NCEH1: variants seen among roughly 807,000 people sequenced by gnomAD.
NCEH1 encodes the protein 2-acetyl MAGE hydrolase.
In NCEH1, 9 loss-of-function variants were observed where a neutral mutation model predicts 25.4. The ratio of observed to expected loss-of-function variants is 0.35; its 90% CI spans 0.21 to 0.62. The LOEUF (loss-of-function observed/expected upper bound fraction) is 0.62, where lower values mean the gene tolerates loss of function less well. NCEH1 is among the 20% of genes least tolerant of loss of function. NCEH1 has a pLI of 0.72. For missense variants in NCEH1, 412 were observed against 501.1 expected (o/e 0.82, Z 1.70); for synonymous variants, 200 against 199.8 (o/e 1.00, Z -0.01).
chr3:172,689,243 T>C (rs1712880518), intron 1 of NCEH1, among the ~76,000 whole-genome samples: 1 of 146,106 alleles, frequency 6.8e-6, no homozygotes, highest in Non-Finnish European at 1.5e-5. Context: ...TGAAATGACT[T>C]GGAGTAACTT....
At chr3:172,647,176 G>A (rs891230903) in intron 2 of NCEH1, among the ~76,000 whole-genome samples, 1 of 152,138 alleles carries the variant, frequency 6.6e-6, no homozygotes, top group African/African-American at 2.4e-5. Flanking sequence ...AAACTAAGGG[G>A]ATGCCAAAAG....
chr3:172,644,183 G>GCTTTTGAGTGACTCTAGGGCTTTTGA (rs1717000744), intron 3 of NCEH1, among the ~76,000 whole-genome samples: 5 of 89,514 alleles, frequency 5.6e-5, no homozygotes, highest in Admixed American at 1.3e-4. Flanking sequence ...AGGGCTTTGG[G>GCTTTTGAGTGACTCTAGGGCTTTTGA]GTGACTCTAG....
At chr3:172,679,494 T>G (rs1379027132) in intron 1 of NCEH1, among the ~76,000 whole-genome samples, 1 of 152,172 alleles carries the variant, frequency 6.6e-6, no homozygotes, top group African/African-American at 2.4e-5. Flanking sequence ...CCATTCTGTA[T>G]GTACCGCACA....
chr3:172,671,374 T>G (rs1303459505), intron 1 of NCEH1, among the ~76,000 whole-genome samples: 1 of 152,182 alleles, frequency 6.6e-6, no homozygotes, highest in African/African-American at 2.4e-5. Context: ...CTTTGAGTTC[T>G]TCACTTTGAT....
intron 2 of NCEH1, among the ~76,000 whole-genome samples, chr3:172,646,308 T>C (rs1162089976): frequency 1.3e-5 from 2 of 152,226 alleles, no homozygotes; most frequent in Non-Finnish European, 2.9e-5. Flanking sequence ...TGAGCTGTGA[T>C]AGAGCCACTG....
chr3:172,644,145 A>ACTCTAGGGCTTTGGG (rs1560181457), intron 3 of NCEH1, among the ~76,000 whole-genome samples: 7 of 83,668 alleles, frequency 8.4e-5, no homozygotes, highest in Non-Finnish European at 1.0e-4. Context: ...AGGGCTTTTG[A>ACTCTAGGGCTTTGGG]GTGACTCTAG....
rs1422497691 is a variant in NCEH1, at chr3:172,633,443, A to G, written c.*32T>C. The stretch of plus-strand genomic sequence containing the variant: ...TCCAAAGCAGGTGTAGGAGGTCAAG[A>G]GGGGCTCGAGGCTTCTGGAAGTTTT... On this transcript the variant is annotated 3_prime_UTR_variant, in exon 5 of 5. Transcript: ENST00000475381. 5 of 1,590,904 alleles carry G rather than the reference A, an allele frequency of 3.1e-6. No individual in the cohort carries two copies. Among genetic ancestry groups the G allele is most frequent in the Admixed American group, 3.4e-5 (2 of 58,322 alleles).
At position 172,631,123 on chromosome 3, in the gene NCEH1, T is replaced by C. The variant is rs997430370; in HGVS notation, c.*2352A>G. ...TATCAGAAACAGTGGTTGACCTCTT[T>C]TTTCCTTTACTCCCTTTTCATCTGA... On this transcript the variant is annotated 3_prime_UTR_variant, in exon 5 of 5. Coordinates refer to ENST00000475381, the MANE Select transcript of NCEH1 (RefSeq NM_020792.6). 2.7e-4 allele frequency: 41 copies of C among 152,360 alleles called. No homozygotes were observed. The highest frequency in any genetic ancestry group is 2.2e-3 in the Admixed American group (34 of 15,310). 9.4% of individuals were successfully genotyped at this position (152,360 alleles called of 1,614,324 possible).
intron 3 of NCEH1, among the ~76,000 whole-genome samples, chr3:172,638,406 C>T: frequency 6.9e-6 from 1 of 144,414 alleles, no homozygotes. Context: ...CTTTTTTTTT[C>T]CAGTTGATTT....
intron 1 of NCEH1, among the ~76,000 whole-genome samples, chr3:172,663,754 G>A (rs545974927): frequency 4.6e-5 from 7 of 152,100 alleles, no homozygotes; most frequent in South Asian, 2.1e-4. Flanking sequence ...TTGGTTTAAA[G>A]TCTCTTTTAT....
intron 1 of NCEH1, among the ~76,000 whole-genome samples, chr3:172,701,486 A>AT (rs78599065): frequency 0.14 from 16,154 of 118,318 alleles, 1,384 homozygotes; most frequent in African/African-American, 0.29. Flanking sequence ...GTCTCCCTCT[A>AT]TTGCCCAGGC....
chr3:172,685,289 C>G (rs564601205), intron 1 of NCEH1, among the ~76,000 whole-genome samples: 1 of 152,242 alleles, frequency 6.6e-6, no homozygotes, highest in Admixed American at 6.5e-5. Context: ...TCTATCTCAA[C>G]AACAACAAAA....
intron 3 of NCEH1, among the ~76,000 whole-genome samples, chr3:172,639,073 C>T (rs1054933027): frequency 2.6e-5 from 4 of 152,130 alleles, no homozygotes; most frequent in African/African-American, 4.8e-5. Context: ...GGCCAAGGTG[C>T]GCGGATCACG....
At chr3:172,682,211 C>T (rs137906180) in intron 1 of NCEH1, among the ~76,000 whole-genome samples, 5 of 152,246 alleles carry the variant, frequency 3.3e-5, no homozygotes, top group African/African-American at 1.2e-4. Context: ...AAACAACATG[C>T]TTGTGGAGGC....
Position 172,647,965 on chromosome 3 carries a change from T to C in NCEH1, c.288A>G (p.Glu96=). 6.2e-7 allele frequency: 1 copy of C among 1,614,174 alleles called. No individual in the cohort carries two copies. Among genetic ancestry groups the C allele is most frequent in the Admixed American group, 1.7e-5 (1 of 60,020 alleles). Residue 96 remains glutamate, a synonymous_variant, in exon 2 of 5, where the codon GAA becomes GAG. Coordinates refer to ENST00000475381, the MANE Select transcript of NCEH1 (RefSeq NM_020792.6). ...GTGGCTCTTCGGGCTTCGGAGGGCC[T>C]TCAAACACTCTGACTTCCACACCAT... ...DFDGVEVRVF[E]GPPKPEEPLK...
At chr3:172,643,032 G>A (rs769625278) in intron 3 of NCEH1, among the ~76,000 whole-genome samples, 5 of 152,082 alleles carry the variant, frequency 3.3e-5, no homozygotes, top group Admixed American at 6.6e-5. Context: ...TCCGCCTCCC[G>A]GGTTCAAGTG....
chr3:172,675,929 G>C (rs1462727850), intron 1 of NCEH1, among the ~76,000 whole-genome samples: 1 of 152,076 alleles, frequency 6.6e-6, no homozygotes, highest in Non-Finnish European at 1.5e-5. Context: ...CTTGTAAAAC[G>C]TATCTCTTTT....
Position 172,633,643 on chromosome 3 carries a change from A to G in NCEH1, c.1059T>C (p.Asp353=), listed in dbSNP as rs747812255. ...CCAAACGCTTGGCATACATGATGCC[A>G]TCGTCTCTGAGGACATCATGCTCAC... ...LTCEHDVLRD[D]GIMYAKRLES... is the part of the protein sequence containing the mutation. Residue 353 remains aspartate, a synonymous_variant, in exon 5 of 5, where the codon GAT becomes GAC. Coordinates refer to ENST00000475381, the MANE Select transcript of NCEH1 (RefSeq NM_020792.6). 6.2e-7 allele frequency: 1 copy of G among 1,614,206 alleles called. No individual in the cohort carries two copies.
intron 4 of NCEH1, among the ~76,000 whole-genome samples, chr3:172,634,907 A>T (rs1716533477): frequency 6.6e-6 from 1 of 152,236 alleles, no homozygotes. Context: ...GTGAGATATG[A>T]CTGCTCTCCA....
Sources: gnomAD v4.1 joint callset for allele counts (sites outside exome capture counted in the v4.1 genomes callset) on GRCh38, gnomAD v4.1.1 for gene constraint, MANE v1.5 for transcripts, NCBI Gene and HGNC (gene_info 2026-07-23, HGNC 2026-07-21) for gene names.